Variants in AASS observed in about 807,000 individuals in gnomAD.
The protein encoded by AASS is aminoadipate-semialdehyde synthase, also known as alpha-aminoadipic semialdehyde synthase, mitochondrial.
AASS carries 86 observed loss-of-function variants against 105.4 expected under a neutral mutation model. The observed-to-expected ratio is 0.82, with a 90% confidence interval of 0.69 to 0.98. The LOEUF is 0.98. Ranked by LOEUF, AASS falls within the 50% of genes least tolerant of loss-of-function variation. The probability of loss-of-function intolerance (pLI) is 0.00; values close to 1 mark genes in which losing one functional copy is unlikely to be tolerated. For missense variants in AASS, 1,048 were observed against 1,143.2 expected (o/e 0.92, Z 1.20); for synonymous variants, 381 against 394.8 (o/e 0.96, Z 0.41).
chr7:122,077,181 A>G (rs1199623041), intron 23 of AASS, among the ~76,000 whole-genome samples: 1 of 151,816 alleles, frequency 6.6e-6, no homozygotes, highest in Non-Finnish European at 1.5e-5. Context: ...ATTATTTCAC[A>G]TTTATATGCT....
chr7:122,129,074 T>C (rs1795791780), intron 3 of AASS, among the ~76,000 whole-genome samples: 2 of 152,070 alleles, frequency 1.3e-5, no homozygotes, highest in East Asian at 1.9e-4. Flanking sequence ...CAAGACTCCA[T>C]CTCAAAAAAA....
chr7:122,106,325 C>T (rs1460347340), intron 11 of AASS, among the ~76,000 whole-genome samples: 1 of 152,048 alleles, frequency 6.6e-6, no homozygotes, highest in Non-Finnish European at 1.5e-5. Context: ...AATGGCCATA[C>T]TGCCCAAAGC....
rs201389071 is a variant in AASS, at chr7:122,098,596, T to C, written c.1529-20A>G. The C allele has an allele frequency of 1.4e-3, 2,175 of 1,604,992 alleles. 2 individuals carry two copies. Among genetic ancestry groups the C allele is most frequent in the Non-Finnish European group, 1.7e-3 (2,022 of 1,173,898 alleles). Reference sequence around the variant, plus strand: ...CAGATCCTATTTCAGTAATTAAAAGTCACATTTTTAGATATGTCAGAGTAA... The same window carrying C: ...CAGATCCTATTTCAGTAATTAAAAGCCACATTTTTAGATATGTCAGAGTAA... On this transcript the variant is annotated intron_variant, in intron 14 of 23. Coordinates refer to ENST00000417368, the MANE Select transcript of AASS (RefSeq NM_005763.4).
In AASS at chr7:122,101,726, A is replaced by C. The variant is rs1161649859; in HGVS notation, c.1279-46T>G. On this transcript the variant is annotated intron_variant, in intron 11 of 23. Transcript: ENST00000417368. ...GTAAGAGATAAATGACACTGCAAAG[A>C]AGGCCTCTTGGTGTTTGTATCCATA... 5.0e-6 allele frequency: 7 copies of C among 1,395,726 alleles called. No individual in the cohort carries two copies. The East Asian group carries it at 1.6e-4, about 32-fold the overall frequency. 86.5% of individuals were successfully genotyped at this position (1,395,726 alleles called of 1,614,324 possible). A position where few individuals can be genotyped will look rare whatever the true frequency, so the allele number is the denominator to read the frequency against.
At chr7:122,116,842 T>C (rs373640713) in intron 7 of AASS, 37 bp downstream of exon 7, 432 of 1,611,962 alleles carry the variant, frequency 2.7e-4, no homozygotes, top group Non-Finnish European at 3.5e-4. Context: ...CATAGACTGT[T>C]AAAAACATTA....
chr7:122,080,644 T>C (rs1430350241), intron 20 of AASS, among the ~76,000 whole-genome samples: 1 of 152,200 alleles, frequency 6.6e-6, no homozygotes, highest in African/African-American at 2.4e-5. Flanking sequence ...AAATGATGAA[T>C]GCTTGAGGTG....
At chr7:122,137,963 G>A (rs1425632321) in intron 1 of AASS, among the ~76,000 whole-genome samples, 1 of 151,940 alleles carries the variant, frequency 6.6e-6, no homozygotes, top group Non-Finnish European at 1.5e-5. Context: ...AGGCAGAGAG[G>A]GGGAAAAAAA....
At chr7:122,113,862 T>C in intron 9 of AASS, 142 bp from the exon 10 acceptor site, 1 of 785,828 alleles carries the variant, frequency 1.3e-6, no homozygotes, top group Non-Finnish European at 2.1e-6. Flanking sequence ...TATAGCTCAT[T>C]CTTCAGGACT....
At chr7:122,131,746 T>C (rs181771807) in intron 2 of AASS, among the ~76,000 whole-genome samples, 24 of 152,172 alleles carry the variant, frequency 1.6e-4, no homozygotes, top group African/African-American at 5.3e-4. Context: ...TTGGTCTCTA[T>C]ATAATAAAAG....
At position 122,098,363 on chromosome 7, in the gene AASS, A is replaced by G. The variant is rs952789313; in HGVS notation, c.1655+87T>C. The G allele has an allele frequency of 1.3e-6, 2 of 1,502,052 alleles. 1 individual carries two copies. The allele number at this position is 1,502,052 out of a possible 1,614,324, so 93.0% of individuals were successfully genotyped here. A position where few individuals can be genotyped will look rare whatever the true frequency, so the allele number is the denominator to read the frequency against. ...ATTAAAAACTTTACTCCAAAGGAGT[A>G]TGAAGAGAGGAGAAGTGAAAGAGAA... On this transcript the variant is annotated intron_variant, in intron 15 of 23. Transcript: ENST00000417368.
chr7:122,115,450 A>G (rs1795122523), intron 8 of AASS, among the ~76,000 whole-genome samples: 1 of 152,206 alleles, frequency 6.6e-6, no homozygotes, highest in Non-Finnish European at 1.5e-5. Flanking sequence ...CTATAAATAC[A>G]TTAGTGTGTT....
intron 9 of AASS, 96 bp from the exon 10 acceptor site, chr7:122,113,816 T>C: frequency 1.4e-6 from 2 of 1,413,560 alleles, no homozygotes; most frequent in East Asian, 2.4e-5. Flanking sequence ...TCAATGTGGA[T>C]CCCAAATATT....
chr7:122,076,357 CA>C lies in AASS; in HGVS notation c.*131del. On this transcript the variant is annotated 3_prime_UTR_variant, in exon 24 of 24. Coordinates refer to ENST00000417368, the MANE Select transcript of AASS (RefSeq NM_005763.4). ...CATATTAAAATAAAGATTTATAGTT[CA>C]AAAAGTACATTGTGTTAACCAAAAC... 1 of 717,206 alleles carries C rather than the reference CA, an allele frequency of 1.4e-6. No individual in the cohort carries two copies. Among genetic ancestry groups the C allele is most frequent in the Non-Finnish European group, 2.5e-6 (1 of 402,042 alleles). 44.4% of individuals were successfully genotyped at this position (717,206 alleles called of 1,614,324 possible). A position where few individuals can be genotyped will look rare whatever the true frequency, so the allele number is the denominator to read the frequency against.
intron 2 of AASS, among the ~76,000 whole-genome samples, chr7:122,133,220 G>A (rs1584899179): frequency 6.6e-6 from 1 of 152,226 alleles, no homozygotes; most frequent in Middle Eastern, 3.4e-3. Context: ...TTCTCTCAGA[G>A]TGGCAGGCAA....
intron 4 of AASS, among the ~76,000 whole-genome samples, chr7:122,123,256 C>G (rs1311147216): frequency 6.6e-6 from 1 of 152,160 alleles, no homozygotes; most frequent in Non-Finnish European, 1.5e-5. Context: ...CTCAGGCTCC[C>G]CAACTCCTAT....
intron 1 of AASS, among the ~76,000 whole-genome samples, chr7:122,140,142 T>C (rs1279744709): frequency 1.3e-5 from 2 of 152,180 alleles, no homozygotes; most frequent in East Asian, 3.9e-4. Flanking sequence ...TTTAAGCTTA[T>C]AGATCACCTA....
intron 8 of AASS, among the ~76,000 whole-genome samples, chr7:122,116,304 C>T (rs1228960586): frequency 6.6e-6 from 1 of 152,130 alleles, no homozygotes; most frequent in Non-Finnish European, 1.5e-5. Flanking sequence ...AGGCATTATG[C>T]TCTGCCCACA....
chr7:122,081,803 A>G, intron 19 of AASS: 3 of 561,638 alleles, frequency 5.3e-6, no homozygotes, highest in East Asian at 3.1e-5. Flanking sequence ...CCAAAAAAGT[A>G]TTGAGGATAT....
In AASS at chr7:122,114,679, A is replaced by G. The variant is rs188295361; in HGVS notation, c.1043+395T>C. On this transcript the variant is annotated intron_variant, in intron 9 of 23. Coordinates refer to ENST00000417368, the MANE Select transcript of AASS (RefSeq NM_005763.4). Reference sequence around the variant, plus strand: ...GAGATGAGAATGGAGAAACAAGAGAAGACTTCTCTGAGCAAATAGCTTCAG... The same window carrying G: ...GAGATGAGAATGGAGAAACAAGAGAGGACTTCTCTGAGCAAATAGCTTCAG... Among the ~76,000 whole-genome samples, 160 of 152,268 alleles carry G rather than the reference A, an allele frequency of 1.1e-3. 2 individuals are homozygous for G. Among genetic ancestry groups the G allele is most frequent in the Non-Finnish European group, 3.2e-4 (22 of 68,010 alleles).
Sources: allele counts gnomAD v4.1 joint callset (sites outside exome capture counted in the v4.1 genomes callset), GRCh38; gene constraint gnomAD v4.1.1; transcripts MANE v1.5; gene names NCBI Gene and HGNC (gene_info 2026-07-23, HGNC 2026-07-21).